GARIN1A: variants seen among roughly 807,000 people sequenced by gnomAD.
GARIN1A encodes the protein golgi associated RAB2 interactor 1A, also known as Golgi-associated RAB2 interactor protein 1A.
the GARIN1A span, among the ~76,000 whole-genome samples, chr7:128,694,851 A>G: frequency 6.6e-6 from 1 of 152,236 alleles, no homozygotes; most frequent in African/African-American, 2.4e-5. Flanking sequence ...AACTGTGAAT[A>G]TCATGCATGG....
the GARIN1A span, among the ~76,000 whole-genome samples, chr7:128,698,770 G>A: frequency 6.6e-6 from 1 of 152,148 alleles, no homozygotes; most frequent in Non-Finnish European, 1.5e-5. Context: ...TTTTGGTAGA[G>A]ACGGGGTTTT....
chr7:128,675,745 C>T, the GARIN1A span: 20 of 1,613,822 alleles, frequency 1.2e-5, no homozygotes, highest in East Asian at 2.2e-5. Context: ...GTCACCTCCT[C>T]GGTGCCCTCC....
chr7:128,704,176 T>C, the GARIN1A span, among the ~76,000 whole-genome samples: 1 of 128,522 alleles, frequency 7.8e-6, no homozygotes, highest in African/African-American at 3.0e-5. Context: ...CCCAACCTTT[T>C]TGGCACCAGG....
the GARIN1A span, among the ~76,000 whole-genome samples, chr7:128,703,949 T>C: frequency 6.6e-6 from 1 of 152,060 alleles, no homozygotes; most frequent in Non-Finnish European, 1.5e-5. Flanking sequence ...TGTTAAAAGG[T>C]ATGCCACAAA....
At chr7:128,708,614 T>C in the GARIN1A span, among the ~76,000 whole-genome samples, 1 of 152,128 alleles carries the variant, frequency 6.6e-6, no homozygotes. Context: ...TCTTCTCCAA[T>C]TTGGGGAGAG....
chr7:128,672,638 A>C, the GARIN1A span: 17 of 171,090 alleles, frequency 9.9e-5, no homozygotes, highest in Non-Finnish European at 1.5e-4. Flanking sequence ...GGCCTTTTAA[A>C]GCCCTGGGGG....
At chr7:128,677,955 G>T in the GARIN1A span, 1 of 562,036 alleles carries the variant, frequency 1.8e-6, no homozygotes, top group Non-Finnish European at 2.9e-6. Context: ...CTATTCAGTA[G>T]TATGAATGAA....
the GARIN1A span, chr7:128,684,679 A>G: frequency 6.6e-6 from 1 of 151,742 alleles, no homozygotes; most frequent in Non-Finnish European, 1.5e-5. Context: ...GTGTAAAGCT[A>G]TGAAGGCTCC....
the GARIN1A span, chr7:128,678,173 A>T: frequency 1.8e-5 from 3 of 166,256 alleles, no homozygotes; most frequent in African/African-American, 7.2e-5. Context: ...GGTGTGTGCC[A>T]CCATGCCTGG....
chr7:128,688,350 G>A, the GARIN1A span, among the ~76,000 whole-genome samples: 8,896 of 152,142 alleles, frequency 0.058, 589 homozygotes, highest in African/African-American at 0.16. Context: ...AAAACTTCTA[G>A]ACCAAACAGT....
the GARIN1A span, among the ~76,000 whole-genome samples, chr7:128,676,328 T>C: frequency 6.6e-6 from 1 of 152,102 alleles, no homozygotes; most frequent in South Asian, 2.1e-4. Context: ...TTAGTATCTA[T>C]ATTTACCAAG....
chr7:128,706,028 TCTCTCTCTCC>T, the GARIN1A span, among the ~76,000 whole-genome samples: 1 of 152,086 alleles, frequency 6.6e-6, no homozygotes, highest in Non-Finnish European at 1.5e-5. Flanking sequence ...AAGAGGTTCC[TCTCTCTCTCC>T]CTCTCTCTCT....
the GARIN1A span, chr7:128,684,670 T>A: frequency 6.8e-6 from 1 of 148,104 alleles, no homozygotes; most frequent in South Asian, 2.2e-4. Flanking sequence ...CCTGTGTTAG[T>A]GTAAAGCTAT....
the GARIN1A span, chr7:128,672,373 C>G: frequency 6.3e-7 from 1 of 1,593,810 alleles, no homozygotes; most frequent in South Asian, 1.1e-5. Flanking sequence ...AGAAATGTTC[C>G]CAAGCCCATT....
At chr7:128,690,978 G>A in the GARIN1A span, 1 of 152,122 alleles carries the variant, frequency 6.6e-6, no homozygotes, top group Admixed American at 6.5e-5. Context: ...AAAGTTTAGG[G>A]GTGTGTTAGG....
chr7:128,701,432 G>GGGGAGGAGAGGGGA, the GARIN1A span, among the ~76,000 whole-genome samples: 1 of 1,412 alleles, frequency 7.1e-4, no homozygotes, highest in Non-Finnish European at 1.6e-3. Context: ...AGGGGAAGGG[G>GGGGAGGAGAGGGGA]AGGGGAGGGG....
chr7:128,678,011 GTTTC>G, the GARIN1A span: 1 of 165,060 alleles, frequency 6.1e-6, no homozygotes, highest in Non-Finnish European at 1.1e-5. Context: ...ATTTAGAAAT[GTTTC>G]TTTTTTTTTT....
chr7:128,674,388 G>A, the GARIN1A span, among the ~76,000 whole-genome samples: 1 of 152,196 alleles, frequency 6.6e-6, no homozygotes, highest in African/African-American at 2.4e-5. Flanking sequence ...GACTCCCAAA[G>A]TGCTGGGATT....
chr7:128,690,237 C>T, the GARIN1A span, among the ~76,000 whole-genome samples: 1 of 152,018 alleles, frequency 6.6e-6, no homozygotes, highest in Non-Finnish European at 1.5e-5. Context: ...TCACCACTCC[C>T]TAATCTCAAG....
Sources: gnomAD v4.1 joint callset for allele counts (sites outside exome capture counted in the v4.1 genomes callset) on GRCh38, gnomAD v4.1.1 for gene constraint, MANE v1.5 for transcripts, NCBI Gene and HGNC (gene_info 2026-07-23, HGNC 2026-07-21) for gene names.